Variants in BICD1 observed in about 807,000 individuals in gnomAD.
BICD1 encodes protein bicaudal D homolog 1.
Under a neutral mutation model 92.5 loss-of-function variants are expected in BICD1, and 35 were observed. The observed-to-expected ratio is 0.38, with a 90% CI of 0.29 to 0.50. The LOEUF (loss-of-function observed/expected upper bound fraction) is 0.50, where lower values mean the gene tolerates loss of function less well. Ranked by LOEUF, BICD1 falls within the 20% of genes least tolerant of loss-of-function variation. The pLI is 0.93. For synonymous variants in BICD1, 429 were observed against 465.1 expected, an observed-to-expected ratio of 0.92 and a Z score of 1.00; for missense variants, 950 against 1,189.8, an observed-to-expected ratio of 0.80 and a Z score of 2.97.
intron 1 of BICD1, among the ~76,000 whole-genome samples, chr12:32,210,718 A>G (rs1945191223): frequency 6.6e-6 from 1 of 152,228 alleles, no homozygotes; most frequent in African/African-American, 2.4e-5. Context: ...ACTTCAACTT[A>G]TTTTAAACAA....
intron 1 of BICD1, among the ~76,000 whole-genome samples, chr12:32,167,844 G>A (rs1943816177): frequency 6.6e-6 from 1 of 152,196 alleles, no homozygotes; most frequent in Non-Finnish European, 1.5e-5. Context: ...GTGGTTAACA[G>A]CACAGATTCT....
At chr12:32,223,621 T>A (rs898203159) in intron 2 of BICD1, among the ~76,000 whole-genome samples, 3 of 152,168 alleles carry the variant, frequency 2.0e-5, no homozygotes, top group Non-Finnish European at 4.4e-5. Flanking sequence ...GAAATGAGAC[T>A]GTTTCGCTTT....
intron 1 of BICD1, among the ~76,000 whole-genome samples, chr12:32,205,357 A>G (rs1302885872): frequency 1.3e-5 from 2 of 152,094 alleles, no homozygotes; most frequent in Non-Finnish European, 2.9e-5. Flanking sequence ...AAAGCTCCCC[A>G]AGTGATTCTA....
chr12:32,201,814 T>C (rs1944913559), intron 1 of BICD1, among the ~76,000 whole-genome samples: 1 of 151,928 alleles, frequency 6.6e-6, no homozygotes, highest in African/African-American at 2.4e-5. Context: ...TTGAAAAATC[T>C]GGAGAATTTA....
intron 1 of BICD1, among the ~76,000 whole-genome samples, chr12:32,158,094 G>GT (rs1943492690): frequency 1.4e-5 from 2 of 145,540 alleles, no homozygotes; most frequent in South Asian, 2.3e-4. Flanking sequence ...TGAGCCTAGG[G>GT]GTTTTTTTTT....
intron 2 of BICD1, among the ~76,000 whole-genome samples, chr12:32,249,370 A>G (rs1362533035): frequency 6.6e-6 from 1 of 152,226 alleles, no homozygotes; most frequent in Non-Finnish European, 1.5e-5. Flanking sequence ...GCTTAATTAT[A>G]CCACTATACT....
chr12:32,351,275 C>T (rs1167711690), intron 8 of BICD1, among the ~76,000 whole-genome samples: 1 of 150,292 alleles, frequency 6.7e-6, no homozygotes, highest in African/African-American at 2.4e-5. Context: ...CGCTTGAGGT[C>T]AGGAGTTCAA....
intron 5 of BICD1, among the ~76,000 whole-genome samples, chr12:32,331,003 G>A (rs1013346408): frequency 7.9e-5 from 12 of 152,106 alleles, no homozygotes; most frequent in Non-Finnish European, 1.3e-4. Context: ...GCGTGGTGGC[G>A]GGTGCCTGTA....
At chr12:32,342,700 G>A (rs1938427690) in intron 8 of BICD1, among the ~76,000 whole-genome samples, 1 of 152,106 alleles carries the variant, frequency 6.6e-6, no homozygotes, top group South Asian at 2.1e-4. Flanking sequence ...TTCAGTTGAA[G>A]AATTGAGAGA....
chr12:32,140,153 AT>A (rs961519183), intron 1 of BICD1, among the ~76,000 whole-genome samples: 22 of 151,538 alleles, frequency 1.5e-4, no homozygotes, highest in Non-Finnish European at 2.7e-4. Flanking sequence ...GGAGTGGATA[AT>A]TTTTTTTTCC....
chr12:32,118,087 A>ATTTTAT (rs372015819), intron 1 of BICD1, among the ~76,000 whole-genome samples: 8 of 128,420 alleles, frequency 6.2e-5, no homozygotes, highest in African/African-American at 5.7e-5. Context: ...ATTTTATTTT[A>ATTTTAT]TTTATTTTTT....
In BICD1 at chr12:32,295,170, G is replaced by T. The variant is rs548090702; in HGVS notation, c.579+1024G>T. On this transcript the variant is annotated intron_variant, in intron 3 of 9. Transcript: ENST00000652176. ...AAAGATTACATTCGTACATTTAAAT[G>T]ATTTTTTTGCTGTAATGGGGGTTTG... Among the ~76,000 whole-genome samples, 5 of 151,472 alleles carry T rather than the reference G, an allele frequency of 3.3e-5. No homozygotes were observed. The East Asian group carries it at 9.7e-4, about 29-fold the overall frequency.
At chr12:32,287,533 T>TTTG (rs1947602657) in intron 2 of BICD1, among the ~76,000 whole-genome samples, 1 of 128,286 alleles carries the variant, frequency 7.8e-6, no homozygotes, top group South Asian at 2.2e-4. Context: ...TGGGTGGTGT[T>TTTG]TTTTTTTTTG....
intron 2 of BICD1, among the ~76,000 whole-genome samples, chr12:32,286,682 C>T (rs1303869103): frequency 1.3e-5 from 2 of 152,074 alleles, no homozygotes; most frequent in Admixed American, 6.6e-5. Context: ...TTTGTGCCTC[C>T]TTCTCAAATA....
rs1472855894 is a variant in BICD1, at chr12:32,306,055, C to G, written c.938C>G (p.Pro313Arg). The G allele has an allele frequency of 1.2e-6, 2 of 1,613,922 alleles. No homozygotes were observed. Among genetic ancestry groups the G allele is most frequent in the South Asian group, 2.2e-5 (2 of 91,028 alleles). The change falls in exon 4 of 10, where the codon CCT (proline) becomes CGT (arginine). Residue 313 changes from proline to arginine, a missense_variant. Pro to Arg is a moderately radical substitution (Grantham distance 103). Coordinates refer to ENST00000652176, the MANE Select transcript of BICD1 (RefSeq NM_001714.4). ...TTAAGGAAAGGAGAGTCTCTGAACC[C>G]TGTCTCTGACTTATTCAGTGAGCTG... ...PTLRKGESLN[P>R]VSDLFSELNI...
At chr12:32,232,407 T>C (rs1945918704) in intron 2 of BICD1, among the ~76,000 whole-genome samples, 2 of 152,228 alleles carry the variant, frequency 1.3e-5, no homozygotes, top group South Asian at 2.1e-4. Context: ...TGTCTGTTCA[T>C]GTCCTTCACC....
chr12:32,349,625 C>A lies in BICD1; in HGVS notation c.2764+10646C>A, dbSNP rs192564695. The stretch of plus-strand genomic sequence containing the variant: ...TGTTATGATATCTCAGCATACTATA[C>A]CATACTTATAACATGTATGCTTATA... On this transcript the variant is annotated intron_variant, in intron 8 of 9. Coordinates refer to ENST00000652176, the MANE Select transcript of BICD1 (RefSeq NM_001714.4). Among the ~76,000 whole-genome samples the A allele has an allele frequency of 7.3e-5, 11 of 150,682 alleles. No individual in the cohort carries two copies. The East Asian group carries it at 1.8e-3, about 24-fold the overall frequency.
chr12:32,152,826 T>C (rs1222409924), intron 1 of BICD1, among the ~76,000 whole-genome samples: 1 of 152,234 alleles, frequency 6.6e-6, no homozygotes, highest in African/African-American at 2.4e-5. Context: ...CAGCCACGTA[T>C]GGCTGGATTT....
chr12:32,318,715 G>C (rs990643782), intron 4 of BICD1, among the ~76,000 whole-genome samples: 4 of 152,100 alleles, frequency 2.6e-5, no homozygotes, highest in Non-Finnish European at 4.4e-5. Flanking sequence ...TTAACCAGGC[G>C]TAGTGGCGCA....
Sources: gnomAD v4.1 joint callset for allele counts (sites outside exome capture counted in the v4.1 genomes callset) on GRCh38, gnomAD v4.1.1 for gene constraint, MANE v1.5 for transcripts, NCBI Gene and HGNC (gene_info 2026-07-23, HGNC 2026-07-21) for gene names.